Variants in MBNL2 observed in about 807,000 individuals in gnomAD.
The protein encoded by MBNL2 is muscleblind like splicing regulator 2.
MBNL2 carries 17 observed loss-of-function variants against 41.9 expected under a neutral mutation model. That is an observed-to-expected ratio of 0.41 (90% confidence interval 0.28 to 0.61). The LOEUF is 0.61. Ranked by LOEUF, MBNL2 falls within the 20% of genes least tolerant of loss-of-function variation. The pLI is 0.35. For synonymous variants in MBNL2, 195 were observed against 182.9 expected, an observed-to-expected ratio of 1.07 and a Z score of -0.53; for missense variants, 336 against 505.6, an observed-to-expected ratio of 0.66 and a Z score of 3.22.
chr13:97,181,166 T>G, the MBNL2 span, among the ~76,000 whole-genome samples: 2 of 152,088 alleles, frequency 1.3e-5, no homozygotes, highest in African/African-American at 4.8e-5. Context: ...CTCCCTTTTA[T>G]AAGGATCTTT....
In MBNL2 at chr13:97,366,672, TTTAA is replaced by T; in HGVS notation, c.1048+1505_1048+1508del. On this transcript the variant is annotated intron_variant, in intron 8 of 8. Transcript: ENST00000679496. The surrounding 1 kb of genome is among the most constrained non-coding windows in gnomAD (Gnocchi z 4.7). ...ATGTTTATCCATCAAATTTTATTTT[TTTAA>T]TTAGTTTATAGCAAGCATTTACAGA... The T allele has an allele frequency of 1.4e-6, 1 of 725,892 alleles. No individual in the cohort carries two copies. The highest frequency in any genetic ancestry group is 2.5e-6 in the Non-Finnish European group (1 of 400,120). The allele number at this position is 725,892 out of a possible 1,614,324, so 45.0% of individuals were successfully genotyped here.
intron 3 of MBNL2, among the ~76,000 whole-genome samples, chr13:97,342,440 C>G (rs9300404): frequency 0.31 from 47,438 of 152,030 alleles, 7,762 homozygotes; most frequent in African/African-American, 0.4. Flanking sequence ...AGTTGAACTA[C>G]AGCAAAAAAT....
At chr13:97,174,677 C>A in the MBNL2 span, among the ~76,000 whole-genome samples, 2 of 152,170 alleles carry the variant, frequency 1.3e-5, no homozygotes, top group Non-Finnish European at 2.9e-5. Context: ...ACAGGATTGG[C>A]TGTAGAAGAA....
intron 2 of MBNL2, among the ~76,000 whole-genome samples, chr13:97,315,870 G>A (rs554621485): frequency 6.6e-6 from 1 of 151,862 alleles, no homozygotes; most frequent in Non-Finnish European, 1.5e-5. Context: ...GGAAGGCCTT[G>A]CTCGTGGGTG....
At chr13:97,210,223 T>C in the MBNL2 span, among the ~76,000 whole-genome samples, 2 of 152,230 alleles carry the variant, frequency 1.3e-5, no homozygotes, top group African/African-American at 4.8e-5. Flanking sequence ...TAACTCAGAG[T>C]ATGTATCTAT....
At chr13:97,203,174 C>G in the MBNL2 span, among the ~76,000 whole-genome samples, 1 of 152,096 alleles carries the variant, frequency 6.6e-6, no homozygotes, top group Non-Finnish European at 1.5e-5. Flanking sequence ...ATAATATAGA[C>G]CATTTGCAAA....
chr13:97,381,688 A>C (rs2065466860), intron 8 of MBNL2, among the ~76,000 whole-genome samples: 1 of 151,788 alleles, frequency 6.6e-6, no homozygotes, highest in Admixed American at 6.6e-5. Flanking sequence ...ACGTTTATTA[A>C]ATTTTTATTT....
chr13:97,172,858 G>T, the MBNL2 span: 5 of 152,154 alleles, frequency 3.3e-5, no homozygotes, highest in African/African-American at 1.2e-4. Context: ...TTCTTCTTTG[G>T]TGCTTCCTAT....
At chr13:97,230,090 G>A (rs893514753) in intron 1 of MBNL2, among the ~76,000 whole-genome samples, 2 of 152,342 alleles carry the variant, frequency 1.3e-5, no homozygotes, top group African/African-American at 4.8e-5. Flanking sequence ...CTGAGGTTGG[G>A]AGTTTGAGAG....
At chr13:97,154,792 A>AGGATGGATGGATGGAT in the MBNL2 span, among the ~76,000 whole-genome samples, 81 of 146,290 alleles carry the variant, frequency 5.5e-4, no homozygotes, top group South Asian at 1.4e-3. Context: ...AAATGGTATA[A>AGGATGGATGGATGGAT]GGATGGATGG....
At chr13:97,327,745 G>A (rs2060029771) in intron 2 of MBNL2, among the ~76,000 whole-genome samples, 1 of 152,112 alleles carries the variant, frequency 6.6e-6, no homozygotes, top group South Asian at 2.1e-4. Context: ...GAGGCTGTTT[G>A]AAGAGATAAA....
At chr13:97,277,108 G>T (rs763033337) in intron 2 of MBNL2, among the ~76,000 whole-genome samples, 12 of 152,108 alleles carry the variant, frequency 7.9e-5, no homozygotes, top group Non-Finnish European at 1.8e-4. Flanking sequence ...GAAGAAAGCT[G>T]GTTTCCAACA....
At chr13:97,322,981 TG>T (rs2059628418) in intron 2 of MBNL2, among the ~76,000 whole-genome samples, 1 of 152,158 alleles carries the variant, frequency 6.6e-6, no homozygotes, top group African/African-American at 2.4e-5. Flanking sequence ...GGGAAGATGC[TG>T]GGACTCTGGA....
At chr13:97,209,514 A>G in the MBNL2 span, among the ~76,000 whole-genome samples, 1 of 152,198 alleles carries the variant, frequency 6.6e-6, no homozygotes, top group Non-Finnish European at 1.5e-5. Context: ...TTCAAAGGAG[A>G]GTGTGCAATT....
At chr13:97,340,277 G>A (rs899079092) in intron 3 of MBNL2, among the ~76,000 whole-genome samples, 1 of 152,164 alleles carries the variant, frequency 6.6e-6, no homozygotes, top group Non-Finnish European at 1.5e-5. Flanking sequence ...ACATCAAAAA[G>A]GAACATATCC....
At chr13:97,292,331 C>G (rs1363300220) in intron 2 of MBNL2, among the ~76,000 whole-genome samples, 1 of 152,138 alleles carries the variant, frequency 6.6e-6, no homozygotes, top group African/African-American at 2.4e-5. Context: ...GCCATTCTTG[C>G]CATAGTCACT....
At chr13:97,387,287 G>A (rs1050983891) in intron 8 of MBNL2, among the ~76,000 whole-genome samples, 37 of 152,090 alleles carry the variant, frequency 2.4e-4, no homozygotes, top group Admixed American at 8.5e-4. Flanking sequence ...CGGCACTGTG[G>A]TGCGGTAGGG....
chr13:97,145,526 A>T, the MBNL2 span, among the ~76,000 whole-genome samples: 8 of 152,236 alleles, frequency 5.3e-5, no homozygotes, highest in African/African-American at 1.9e-4. Context: ...GCTTGCAGTG[A>T]TAACTTGCCA....
chr13:97,379,171 C>T lies in MBNL2; in HGVS notation c.1049-12151C>T, dbSNP rs1209333340. Among the ~76,000 whole-genome samples, 4 of 152,130 alleles carry T rather than the reference C, an allele frequency of 2.6e-5. No homozygotes were observed. In the South Asian group the frequency reaches 6.2e-4, roughly 24 times the overall value. ...AGTTGAGAAGAAAGTTTAGTAGAAG[C>T]GAAAACTTTTTAAAGTCCAAGCTCA... On this transcript the variant is annotated intron_variant, in intron 8 of 8. Coordinates refer to ENST00000679496, the MANE Select transcript of MBNL2 (RefSeq NM_001382683.1).
Sources: allele counts gnomAD v4.1 joint callset (sites outside exome capture counted in the v4.1 genomes callset), GRCh38; gene constraint gnomAD v4.1.1; non-coding constraint Gnocchi (gnomAD v3.1); transcripts MANE v1.5; gene names NCBI Gene and HGNC (gene_info 2026-07-23, HGNC 2026-07-21).